The following GGNBP2 variants were observed in gnomAD, a reference collection of about 807,000 sequenced individuals.
GGNBP2 encodes the protein gametogenetin binding protein 2, also known as gametogenetin-binding protein 2.
A neutral mutation model predicts 85.9 loss-of-function variants in GGNBP2; 10 were observed. That is an observed-to-expected ratio of 0.12 (90% CI 0.07 to 0.20). The LOEUF is 0.20. GGNBP2 is among the 10% of genes least tolerant of loss of function. The pLI, the probability that GGNBP2 is intolerant of heterozygous loss-of-function variation, is 1.00. For synonymous variants in GGNBP2, 287 were observed against 285.7 expected (o/e 1.00, Z -0.05); for missense variants, 595 against 857.8 (o/e 0.69, Z 3.83).
At chr17:36,581,161 T>C (rs2142775616) in intron 8 of GGNBP2, among the ~76,000 whole-genome samples, 183 bp from the exon 9 acceptor site, 1 of 152,084 alleles carries the variant, frequency 6.6e-6, no homozygotes, top group South Asian at 2.1e-4. Context: ...GGCGGGCACC[T>C]GTAGTCCCAG....
At chr17:36,576,547 C>CT (rs1430139361) in intron 6 of GGNBP2, 1 of 58,250 alleles carries the variant, frequency 1.7e-5, no homozygotes, top group Non-Finnish European at 2.9e-5. Context: ...GAGAGAGACT[C>CT]TGTCTCAAAA....
At chr17:36,546,042 T>G in intron 2 of GGNBP2, 1 of 501,442 alleles carries the variant, frequency 2.0e-6, no homozygotes, top group Non-Finnish European at 3.6e-6. Flanking sequence ...CTCTCCAGAT[T>G]TTCCTTCTTT....
intron 12 of GGNBP2, 178 bp downstream of exon 12, chr17:36,586,376 T>C: frequency 1.6e-6 from 1 of 641,792 alleles, no homozygotes. Context: ...CAGAGAGAGA[T>C]GTGATCATTT....
intron 6 of GGNBP2, among the ~76,000 whole-genome samples, chr17:36,571,929 G>C (rs185763379): frequency 1.9e-4 from 29 of 151,988 alleles, no homozygotes; most frequent in African/African-American, 6.5e-4. Flanking sequence ...CACACCTGCA[G>C]TTTCATCTAC....
At chr17:36,573,925 G>A (rs1275562746) in intron 6 of GGNBP2, among the ~76,000 whole-genome samples, 1 of 152,086 alleles carries the variant, frequency 6.6e-6, no homozygotes, top group African/African-American at 2.4e-5. Flanking sequence ...AGGCTGGAGT[G>A]CAGTGGCATG....
At position 36,575,180 on chromosome 17, in the gene GGNBP2, T is replaced by C. The variant is rs1555607509; in HGVS notation, c.642-2803T>C. 9.2e-6 allele frequency: 6 copies of C among 650,166 alleles called. No individual in the cohort carries two copies. In the East Asian group the frequency reaches 1.7e-4, roughly 18 times the overall value. 40.3% of individuals were successfully genotyped at this position (650,166 alleles called of 1,614,324 possible). On this transcript the variant is annotated intron_variant, in intron 6 of 13. Transcript: ENST00000613102. ...AGGCATCCACTCTTTATCCTCGGCCTTGCCTCCATGAGCTCTGCGGCCTCA... is the reference window on the plus strand; with the variant it reads ...AGGCATCCACTCTTTATCCTCGGCCCTGCCTCCATGAGCTCTGCGGCCTCA...
chr17:36,583,611 A>G (rs1239330566), intron 9 of GGNBP2, among the ~76,000 whole-genome samples: 2 of 151,818 alleles, frequency 1.3e-5, no homozygotes, highest in Non-Finnish European at 2.9e-5. Flanking sequence ...GGCGCCTACC[A>G]CCATGCCCGG....
At chr17:36,558,647 G>A (rs1186038690) in intron 4 of GGNBP2, among the ~76,000 whole-genome samples, 1 of 151,442 alleles carries the variant, frequency 6.6e-6, no homozygotes, top group Non-Finnish European at 1.5e-5. Flanking sequence ...GTAGAGACAG[G>A]GTTTCGCTAT....
At chr17:36,585,574 C>A (rs2074693085) in intron 10 of GGNBP2, 124 bp downstream of exon 10, 4 of 712,968 alleles carry the variant, frequency 5.6e-6, no homozygotes, top group African/African-American at 1.8e-5. Flanking sequence ...CCAAGAATAT[C>A]ATATAATTTA....
At chr17:36,546,032 C>T (rs2074251045) in intron 2 of GGNBP2, 2 of 511,006 alleles carry the variant, frequency 3.9e-6, no homozygotes, top group Admixed American at 3.3e-5. Context: ...CGCACTCCCT[C>T]TCTCCAGATT....
intron 6 of GGNBP2, chr17:36,576,595 A>ATATGTGTGTGTGTG (rs748348633): frequency 5.8e-4 from 30 of 51,488 alleles, no homozygotes; most frequent in East Asian, 6.2e-4. Context: ...ATATATATAT[A>ATATGTGTGTGTGTG]TGTGTGTGTG....
intron 6 of GGNBP2, chr17:36,576,776 CAATAGG>C (rs1281289935): frequency 1.1e-4 from 16 of 151,260 alleles, no homozygotes; most frequent in Non-Finnish European, 5.9e-5. Flanking sequence ...TGGCTCTACT[CAATAGG>C]AAGACCCAGG....
intron 8 of GGNBP2, among the ~76,000 whole-genome samples, chr17:36,580,933 T>A (rs927795142): frequency 1.5e-4 from 21 of 142,850 alleles, no homozygotes; most frequent in African/African-American, 5.2e-4. Flanking sequence ...AAAAAAAAAA[T>A]TCTGAAATTT....
At chr17:36,570,336 C>T (rs1199541750) in intron 6 of GGNBP2, among the ~76,000 whole-genome samples, 2 of 152,128 alleles carry the variant, frequency 1.3e-5, no homozygotes, top group Non-Finnish European at 2.9e-5. Flanking sequence ...TCACAGTGGC[C>T]GTGATTGTAC....
intron 5 of GGNBP2, among the ~76,000 whole-genome samples, chr17:36,562,705 GC>G (rs767423141): frequency 1.0e-3 from 155 of 151,322 alleles, no homozygotes; most frequent in Admixed American, 2.3e-3. Context: ...AGTGGCTCAT[GC>G]CTGTAATCCC....
intron 4 of GGNBP2, among the ~76,000 whole-genome samples, chr17:36,557,666 A>G (rs2074376009): frequency 6.6e-6 from 1 of 152,206 alleles, no homozygotes; most frequent in African/African-American, 2.4e-5. Context: ...GTGAGCAAGC[A>G]AATCTTGTAG....
intron 12 of GGNBP2, chr17:36,586,630 T>A: frequency 4.0e-6 from 1 of 250,072 alleles, no homozygotes; most frequent in South Asian, 5.7e-5. Flanking sequence ...TATGTCAGGA[T>A]TTTTTTGAGA....
Position 36,589,445 on chromosome 17 carries a change from CT to C in GGNBP2, c.*35del. 1 of 1,490,728 alleles carries C rather than the reference CT, an allele frequency of 6.7e-7. No individual in the cohort carries two copies. The allele number at this position is 1,490,728 out of a possible 1,614,324, so 92.3% of individuals were successfully genotyped here. A position where few individuals can be genotyped will look rare whatever the true frequency, so the allele number is the denominator to read the frequency against. ...AATAGCTCTGTCTTTCAATGAAACA[CT>C]CACGATGACTACTGCGCCTTCTCTT... On this transcript the variant is annotated 3_prime_UTR_variant, in exon 14 of 14. Transcript: ENST00000613102.
At chr17:36,588,005 C>T (rs1462693298) in intron 13 of GGNBP2, among the ~76,000 whole-genome samples, 1 of 152,226 alleles carries the variant, frequency 6.6e-6, no homozygotes, top group Admixed American at 6.5e-5. Context: ...TTACTGTAAG[C>T]AAACTTTGCC....
Sources: allele counts gnomAD v4.1 joint callset (sites outside exome capture counted in the v4.1 genomes callset), GRCh38; gene constraint gnomAD v4.1.1; transcripts MANE v1.5; gene names NCBI Gene and HGNC (gene_info 2026-07-23, HGNC 2026-07-21).